Variants in RMST observed in about 807,000 individuals in gnomAD.
RMST encodes rhabdomyosarcoma 2 associated transcript.
At chr12:97,470,155 A>G (rs899488254) in intron 5 of RMST, among the ~76,000 whole-genome samples, 1 of 152,116 alleles carries the variant, frequency 6.6e-6, no homozygotes, top group Non-Finnish European at 1.5e-5. Flanking sequence ...TAGAAATTAA[A>G]TCCCCAAGTT....
At chr12:97,471,902 A>C (rs1873963667) in intron 5 of RMST, among the ~76,000 whole-genome samples, 1 of 152,086 alleles carries the variant, frequency 6.6e-6, no homozygotes, top group Admixed American at 6.6e-5. Flanking sequence ...GTGAAGATAG[A>C]TCCTTTGGCT....
At chr12:97,472,534 C>T (rs1279478335) in intron 5 of RMST, among the ~76,000 whole-genome samples, 2 of 152,058 alleles carry the variant, frequency 1.3e-5, no homozygotes, top group African/African-American at 4.8e-5. Flanking sequence ...CAGTCCAGTC[C>T]GTGACAATTA....
chr12:97,482,029 T>G (rs538492553), intron 5 of RMST, among the ~76,000 whole-genome samples: 1 of 152,342 alleles, frequency 6.6e-6, no homozygotes, highest in East Asian at 1.9e-4. Flanking sequence ...TTTACAACAC[T>G]GTTTATTCAC....
intron 11 of RMST, among the ~76,000 whole-genome samples, chr12:97,550,863 A>G (rs1883262496): frequency 6.6e-6 from 1 of 152,216 alleles, no homozygotes; most frequent in Non-Finnish European, 1.5e-5. Context: ...TAGAGTCTTT[A>G]TAATGTCATT....
At chr12:97,479,062 C>A (rs781765432) in intron 5 of RMST, among the ~76,000 whole-genome samples, 1 of 151,540 alleles carries the variant, frequency 6.6e-6, no homozygotes, top group Non-Finnish European at 1.5e-5. Flanking sequence ...TTATTCTGAT[C>A]GCTCTCCTCA....
At chr12:97,517,305 G>T (rs1482920312) in intron 10 of RMST, among the ~76,000 whole-genome samples, 1 of 151,642 alleles carries the variant, frequency 6.6e-6, no homozygotes, top group Non-Finnish European at 1.5e-5. Context: ...TTAAAATCTT[G>T]GGCAAGCATT....
At chr12:97,537,654 C>T (rs1639514804) in intron 11 of RMST, among the ~76,000 whole-genome samples, 1 of 151,370 alleles carries the variant, frequency 6.6e-6, no homozygotes, top group African/African-American at 2.4e-5. Flanking sequence ...AGCAATATGT[C>T]TGGAAGCGCA....
intron 10 of RMST, among the ~76,000 whole-genome samples, chr12:97,518,816 G>A (rs2136542633): frequency 6.6e-6 from 1 of 152,208 alleles, no homozygotes; most frequent in Non-Finnish European, 1.5e-5. Context: ...TTGTTGTCCA[G>A]GCTGGAGTGC....
chr12:97,489,810 G>A (rs1876557369), intron 5 of RMST, among the ~76,000 whole-genome samples: 1 of 152,144 alleles, frequency 6.6e-6, no homozygotes, highest in Admixed American at 6.5e-5. Flanking sequence ...GTCATGCACT[G>A]GGGTAAGCAT....
intron 11 of RMST, among the ~76,000 whole-genome samples, chr12:97,553,350 T>C (rs1883442233): frequency 6.6e-6 from 1 of 152,188 alleles, no homozygotes; most frequent in Admixed American, 6.5e-5. Flanking sequence ...TCTCAGAACA[T>C]AATTCAAAGA....
chr12:97,491,182 C>G (rs544289077), intron 5 of RMST, among the ~76,000 whole-genome samples: 1 of 152,276 alleles, frequency 6.6e-6, no homozygotes, highest in African/African-American at 2.4e-5. Context: ...TTTTATTCCT[C>G]CAAAGCAATT....
intron 5 of RMST, among the ~76,000 whole-genome samples, chr12:97,473,870 A>G (rs1225515648): frequency 1.3e-5 from 2 of 152,100 alleles, no homozygotes; most frequent in East Asian, 3.9e-4. Context: ...AAGCCTTGAC[A>G]TTTTTGCCCT....
intron 5 of RMST, among the ~76,000 whole-genome samples, chr12:97,473,169 T>A (rs1432044316): frequency 6.6e-6 from 1 of 152,112 alleles, no homozygotes; most frequent in Non-Finnish European, 1.5e-5. Context: ...TTATTTGTTG[T>A]GAGAATAATG....
At chr12:97,498,460 C>A (rs1401017233) in intron 10 of RMST, among the ~76,000 whole-genome samples, 1 of 152,106 alleles carries the variant, frequency 6.6e-6, no homozygotes, top group African/African-American at 2.4e-5. Context: ...AAAGATTAAA[C>A]AGGATAATGA....
intron 5 of RMST, chr12:97,492,343 C>T (rs943768054): frequency 1.6e-4 from 25 of 155,112 alleles, no homozygotes; most frequent in African/African-American, 4.6e-4. Context: ...GTGGGAAACA[C>T]GCTGCTCTGC....
At chr12:97,514,128 T>G (rs1488816078) in intron 10 of RMST, among the ~76,000 whole-genome samples, 1 of 152,086 alleles carries the variant, frequency 6.6e-6, no homozygotes, top group Non-Finnish European at 1.5e-5. Context: ...GGGGCAAGAG[T>G]CAAGTCTTGG....
intron 5 of RMST, among the ~76,000 whole-genome samples, chr12:97,484,628 C>T (rs1359474408): frequency 2.0e-5 from 3 of 152,138 alleles, no homozygotes; most frequent in Non-Finnish European, 2.9e-5. Flanking sequence ...ACATGTCACT[C>T]ATGTTGGCTG....
chr12:97,477,038 G>A (rs1690743114), intron 5 of RMST, among the ~76,000 whole-genome samples: 1 of 152,140 alleles, frequency 6.6e-6, no homozygotes, highest in South Asian at 2.1e-4. Flanking sequence ...AAGATTAAGT[G>A]ATTTAAAGAC....
At chr12:97,552,722 A>G (rs1328441677) in intron 11 of RMST, among the ~76,000 whole-genome samples, 1 of 152,174 alleles carries the variant, frequency 6.6e-6, no homozygotes, top group Non-Finnish European at 1.5e-5. Context: ...TTGCTGTTAA[A>G]TGCTTTCACT....
Sources: allele counts gnomAD v4.1 joint callset (sites outside exome capture counted in the v4.1 genomes callset), GRCh38; gene constraint gnomAD v4.1.1; transcripts MANE v1.5; gene names NCBI Gene and HGNC (gene_info 2026-07-23, HGNC 2026-07-21).